Variants in ELAVL4 observed in about 807,000 individuals in gnomAD.
ELAVL4 encodes ELAV-like protein 4.
ELAVL4 carries 1 observed loss-of-function variant against 35.6 expected under a neutral mutation model. The ratio of observed to expected loss-of-function variants is 0.03; its 90% CI spans 0.01 to 0.13. The LOEUF is 0.13. Ranked by LOEUF, ELAVL4 falls within the 10% of genes least tolerant of loss-of-function variation. The pLI, the probability that ELAVL4 is intolerant of heterozygous loss-of-function variation, is 1.00. For synonymous variants in ELAVL4, 156 were observed against 171.0 expected, an observed-to-expected ratio of 0.91 and a Z score of 0.69; for missense variants, 267 against 464.9, an observed-to-expected ratio of 0.57 and a Z score of 3.91.
chr1:50,071,828 G>C (rs1442244242), intron 1 of ELAVL4, among the ~76,000 whole-genome samples: 1 of 152,118 alleles, frequency 6.6e-6, no homozygotes, highest in East Asian at 1.9e-4. Context: ...GAAATGGGAG[G>C]AGGAGAGGCT....
upstream of ELAVL4, among the ~76,000 whole-genome samples, chr1:50,100,248 C>T (rs181372605): frequency 1.1e-4 from 16 of 152,232 alleles, no homozygotes; most frequent in East Asian, 2.7e-3. Context: ...GTGAATGTTC[C>T]GTCAATATTA....
chr1:50,162,079 A>G (rs1676902177), intron 2 of ELAVL4, among the ~76,000 whole-genome samples: 1 of 152,204 alleles, frequency 6.6e-6, no homozygotes, highest in African/African-American at 2.4e-5. Flanking sequence ...TTGGAGCTGG[A>G]TGGATGTTCA....
chr1:50,124,527 G>C (rs1669560289), intron 1 of ELAVL4, among the ~76,000 whole-genome samples: 1 of 152,064 alleles, frequency 6.6e-6, no homozygotes, highest in Admixed American at 6.6e-5. Flanking sequence ...TTAAAACCTA[G>C]TTTGTTTCAT....
At chr1:50,187,903 C>T (rs1470495159) in intron 3 of ELAVL4, among the ~76,000 whole-genome samples, 1 of 152,132 alleles carries the variant, frequency 6.6e-6, no homozygotes, top group Non-Finnish European at 1.5e-5. Context: ...CGAGACCAAC[C>T]TGGCCAACAT....
chr1:50,072,741 C>T (rs1664588011), intron 1 of ELAVL4, among the ~76,000 whole-genome samples: 1 of 152,124 alleles, frequency 6.6e-6, no homozygotes, highest in Non-Finnish European at 1.5e-5. Context: ...AGACATTGTG[C>T]TTAATCCTTT....
At chr1:50,074,188 A>C (rs1664660952) in intron 1 of ELAVL4, among the ~76,000 whole-genome samples, 2 of 152,140 alleles carry the variant, frequency 1.3e-5, no homozygotes, top group African/African-American at 2.4e-5. Context: ...AGAGTAACTT[A>C]AGATTTGTTT....
upstream of ELAVL4, among the ~76,000 whole-genome samples, chr1:50,105,410 G>GAGTTT (rs975212848): frequency 1.3e-5 from 2 of 152,178 alleles, no homozygotes; most frequent in African/African-American, 4.8e-5. Flanking sequence ...ATTTGTGGCA[G>GAGTTT]TGTTTTGTTT....
chr1:50,164,854 A>C (rs1488846153), intron 2 of ELAVL4, among the ~76,000 whole-genome samples: 2 of 152,198 alleles, frequency 1.3e-5, no homozygotes, highest in African/African-American at 4.8e-5. Flanking sequence ...ATCCATGTGA[A>C]TAGATAATAT....
At chr1:50,148,824 A>G (rs1674204570) in intron 2 of ELAVL4, among the ~76,000 whole-genome samples, 2 of 152,118 alleles carry the variant, frequency 1.3e-5, no homozygotes, top group South Asian at 4.1e-4. Flanking sequence ...CAAGGAGTTG[A>G]TTTAGTTTCT....
At chr1:50,084,315 G>T (rs781372121) in intron 1 of ELAVL4, among the ~76,000 whole-genome samples, 4 of 151,858 alleles carry the variant, frequency 2.6e-5, no homozygotes, top group Non-Finnish European at 4.4e-5. Context: ...TTATAGATTT[G>T]GTAACTAAGC....
At chr1:50,171,681 A>G (rs561406975) in intron 2 of ELAVL4, among the ~76,000 whole-genome samples, 1 of 152,334 alleles carries the variant, frequency 6.6e-6, no homozygotes, top group East Asian at 1.9e-4. Context: ...TAAAGCTTAA[A>G]TGACTTAACC....
At chr1:50,121,287 A>G (rs1668987903) in intron 1 of ELAVL4, among the ~76,000 whole-genome samples, 1 of 152,050 alleles carries the variant, frequency 6.6e-6, no homozygotes, top group Non-Finnish European at 1.5e-5. Context: ...GCTTAATGGG[A>G]GGATCCATTG....
At chr1:50,054,134 G>A (rs1271605656) in intron 1 of ELAVL4, among the ~76,000 whole-genome samples, 3 of 152,182 alleles carry the variant, frequency 2.0e-5, no homozygotes, top group South Asian at 2.1e-4. Flanking sequence ...AAATGTTGAC[G>A]TAAATATTGT....
intron 3 of ELAVL4, among the ~76,000 whole-genome samples, chr1:50,184,661 G>A (rs1391667228): frequency 2.0e-5 from 3 of 152,186 alleles, no homozygotes; most frequent in Admixed American, 1.3e-4. Flanking sequence ...GTGACCCTGA[G>A]GCATTAGTTT....
At chr1:50,088,562 T>A (rs1304039088) in intron 1 of ELAVL4, among the ~76,000 whole-genome samples, 1 of 152,186 alleles carries the variant, frequency 6.6e-6, no homozygotes, top group African/African-American at 2.4e-5. Context: ...GAAACAAATA[T>A]TAACGAATAT....
chr1:50,110,925 G>C (rs1666960529), intron 1 of ELAVL4, among the ~76,000 whole-genome samples: 1 of 151,986 alleles, frequency 6.6e-6, no homozygotes, highest in Admixed American at 6.6e-5. Flanking sequence ...AAGCCGAGTA[G>C]GGAGCAGGTG....
At chr1:50,158,739 C>T (rs1168446992) in intron 2 of ELAVL4, among the ~76,000 whole-genome samples, 5 of 152,056 alleles carry the variant, frequency 3.3e-5, no homozygotes, top group Admixed American at 6.6e-5. Context: ...TGAAAAGAGA[C>T]CTTAAAAGTA....
At chr1:50,135,749 T>C (rs1310868262) in intron 1 of ELAVL4, among the ~76,000 whole-genome samples, 1 of 152,198 alleles carries the variant, frequency 6.6e-6, no homozygotes, top group Non-Finnish European at 1.5e-5. Flanking sequence ...GTTTCTTGGA[T>C]GGAATTAAAT....
chr1:50,083,061 A>G (rs538166233), intron 1 of ELAVL4, among the ~76,000 whole-genome samples: 3 of 151,968 alleles, frequency 2.0e-5, no homozygotes, highest in Non-Finnish European at 4.4e-5. Context: ...AATAATACCA[A>G]CAGCCATTTT....
Sources: allele counts gnomAD v4.1 joint callset (sites outside exome capture counted in the v4.1 genomes callset), GRCh38; gene constraint gnomAD v4.1.1; transcripts MANE v1.5; gene names NCBI Gene and HGNC (gene_info 2026-07-23, HGNC 2026-07-21).